The following FAT3 variants were observed in gnomAD, a reference collection of about 807,000 sequenced individuals.
FAT3 encodes the protein protocadherin Fat 3.
In FAT3, 95 loss-of-function variants were observed where a neutral mutation model predicts 310.2. The observed-to-expected ratio is 0.31, with a 90% CI of 0.26 to 0.36. The LOEUF is 0.36. FAT3 is among the 10% of genes least tolerant of loss of function. The pLI, the probability that FAT3 is intolerant of heterozygous loss-of-function variation, is 1.00. For synonymous variants in FAT3, 2,314 were observed against 2,192.9 expected, an observed-to-expected ratio of 1.06 and a Z score of -1.54; for missense variants, 5,408 against 5,715.6, an observed-to-expected ratio of 0.95 and a Z score of 1.74.
Position 92,887,030 on chromosome 11 carries a change from C to A in FAT3, c.12968C>A (p.Thr4323Asn). 6.2e-7 allele frequency: 1 copy of A among 1,609,704 alleles called. No homozygotes were observed. The highest frequency in any genetic ancestry group is 2.2e-5 in the East Asian group (1 of 44,846). ...NKGVDDPGEV[T>N]CFAGSNKGSN... ...GGGGTTGATGACCCGGGAGAAGTGA[C>A]CTGCTTTGCAGGTAGTAATAAAGGC... Residue 4323 changes from threonine to asparagine, a missense_variant, in exon 25 of 28, where the codon ACC becomes AAC. This residue lies in a region of FAT3 where 649 missense variants were observed against 666.2 expected (regional missense o/e 0.97). Transcript: ENST00000525166.
intron 7 of FAT3, 145 bp downstream of exon 7, chr11:92,774,325 T>C: frequency 1.1e-6 from 1 of 916,848 alleles, no homozygotes; most frequent in South Asian, 2.0e-5. Flanking sequence ...CAAGAACAAG[T>C]GAGAAAAGGG....
At chr11:92,729,259 C>T (rs143597172) in intron 4 of FAT3, among the ~76,000 whole-genome samples, 18 of 152,116 alleles carry the variant, frequency 1.2e-4, no homozygotes, top group African/African-American at 3.4e-4. Context: ...GCAGAGCACT[C>T]GATAAATGTC....
chr11:92,501,094 A>G (rs990816048), intron 2 of FAT3, among the ~76,000 whole-genome samples: 5 of 152,048 alleles, frequency 3.3e-5, no homozygotes, highest in African/African-American at 1.2e-4. Flanking sequence ...CTCCAAAATT[A>G]AGGGAAGTCA....
Position 92,228,436 on chromosome 11 carries a change from T to C in FAT3, c.-18+3262T>C, listed in dbSNP as rs527628816. Among the ~76,000 whole-genome samples the C allele has an allele frequency of 5.3e-5, 8 of 152,316 alleles. No individual in the cohort carries two copies. In the East Asian group the frequency reaches 1.5e-3, roughly 29 times the overall value. On this transcript the variant is annotated intron_variant, in intron 1 of 27. Coordinates refer to ENST00000525166, the MANE Select transcript of FAT3 (RefSeq NM_001367949.2). Reference sequence around the variant, plus strand: ...CCCACTGACCTGTATGCTATACGGTTATTTTGCTAGCCCACAGCCTTTGTA... The same window carrying C: ...CCCACTGACCTGTATGCTATACGGTCATTTTGCTAGCCCACAGCCTTTGTA...
intron 19 of FAT3, among the ~76,000 whole-genome samples, chr11:92,851,895 T>C (rs950945062): frequency 2.0e-5 from 3 of 152,208 alleles, no homozygotes; most frequent in African/African-American, 7.2e-5. Flanking sequence ...AATGGAGCAG[T>C]GTTTGCCACC....
At chr11:92,866,632 C>A in intron 21 of FAT3, 109 bp from the exon 22 acceptor site, 1 of 953,356 alleles carries the variant, frequency 1.0e-6, no homozygotes, top group Non-Finnish European at 1.5e-6. Flanking sequence ...AAAGTCATGT[C>A]CACATTCCAG....
intron 14 of FAT3, 113 bp from the exon 15 acceptor site, chr11:92,834,757 T>A: frequency 3.1e-6 from 3 of 968,694 alleles, no homozygotes; most frequent in Non-Finnish European, 4.5e-6. Flanking sequence ...AACAAATTCC[T>A]GAATGTTTAA....
At position 92,727,385 on chromosome 11, in the gene FAT3, A is replaced by G. The variant is rs150914394; in HGVS notation, c.3669+29940A>G. Among the ~76,000 whole-genome samples, 640 of 152,282 alleles carry G rather than the reference A, an allele frequency of 4.2e-3. 3 individuals are homozygous for G. The highest frequency in any genetic ancestry group is 9.7e-3 in the Admixed American group (148 of 15,286). ...TCATGGGAGATACAGCCTGTCAGGG[A>G]AGACAGACATTAAGTAAAAGTGACA... On this transcript the variant is annotated intron_variant, in intron 4 of 27. Transcript: ENST00000525166.
At chr11:92,356,249 T>G (rs1033700238) in intron 2 of FAT3, among the ~76,000 whole-genome samples, 1 of 152,198 alleles carries the variant, frequency 6.6e-6, no homozygotes, top group African/African-American at 2.4e-5. Flanking sequence ...GTTAGCACTG[T>G]GCATTTTTCT....
At chr11:92,304,608 T>C (rs1387723902) in intron 1 of FAT3, among the ~76,000 whole-genome samples, 1 of 152,124 alleles carries the variant, frequency 6.6e-6, no homozygotes, top group Non-Finnish European at 1.5e-5. Flanking sequence ...TGTTTGTAGA[T>C]GTGAAGAGGC....
At chr11:92,773,487 T>C (rs187601585) in intron 6 of FAT3, among the ~76,000 whole-genome samples, 29 of 152,264 alleles carry the variant, frequency 1.9e-4, no homozygotes, top group African/African-American at 9.6e-5. Context: ...CTTGCAGATA[T>C]AGAATTTTTA....
intron 12 of FAT3, among the ~76,000 whole-genome samples, chr11:92,809,086 A>T (rs145537064): frequency 3.3e-5 from 5 of 152,302 alleles, no homozygotes; most frequent in Non-Finnish European, 5.9e-5. Context: ...TCATTATCTT[A>T]TGAAACTTAA....
intron 3 of FAT3, among the ~76,000 whole-genome samples, chr11:92,561,850 A>G (rs868266300): frequency 3.4e-4 from 52 of 151,834 alleles, no homozygotes; most frequent in Admixed American, 4.6e-4. Context: ...GATCTCGAAC[A>G]CCTGGCCTCA....
chr11:92,448,361 A>AGT (rs754170352), intron 2 of FAT3, among the ~76,000 whole-genome samples: 18 of 152,094 alleles, frequency 1.2e-4, no homozygotes, highest in Admixed American at 2.6e-4. Flanking sequence ...GACACTTGCC[A>AGT]GTGTGTGGTT....
At chr11:92,702,439 G>A (rs1465032201) in intron 4 of FAT3, among the ~76,000 whole-genome samples, 3 of 152,176 alleles carry the variant, frequency 2.0e-5, no homozygotes, top group African/African-American at 4.8e-5. Flanking sequence ...GCGTTGCCAC[G>A]TTAAATTAAC....
intron 1 of FAT3, among the ~76,000 whole-genome samples, chr11:92,283,597 T>C (rs1946484678): frequency 6.6e-6 from 1 of 152,184 alleles, no homozygotes; most frequent in Non-Finnish European, 1.5e-5. Context: ...TTCACTTGAA[T>C]GGCTTCTAGT....
intron 3 of FAT3, among the ~76,000 whole-genome samples, chr11:92,625,556 A>G (rs1941291375): frequency 6.6e-6 from 1 of 152,178 alleles, no homozygotes. Context: ...GCTCACACCG[A>G]TGGCCCAGAG....
At position 92,604,675 on chromosome 11, in the gene FAT3, T is replaced by G. The variant is rs1940190807; in HGVS notation, c.3607+79727T>G. On this transcript the variant is annotated intron_variant, in intron 3 of 27. Transcript: ENST00000525166. Reference sequence around the variant, plus strand: ...ATCCTGTATCACTTTGCCCTGTATATACCCATCCTGTATCACTTTGCCCTG... The same window carrying G: ...ATCCTGTATCACTTTGCCCTGTATAGACCCATCCTGTATCACTTTGCCCTG... Among the ~76,000 whole-genome samples, 3 of 152,212 alleles carry G rather than the reference T, an allele frequency of 2.0e-5. No homozygotes were observed. The South Asian group carries it at 6.2e-4, about 32-fold the overall frequency.
At chr11:92,616,784 A>G (rs1940832406) in intron 3 of FAT3, among the ~76,000 whole-genome samples, 1 of 152,136 alleles carries the variant, frequency 6.6e-6, no homozygotes, top group Admixed American at 6.5e-5. Flanking sequence ...TCTTTTCTTT[A>G]AGAATGTTGA....
Sources: allele counts gnomAD v4.1 joint callset (sites outside exome capture counted in the v4.1 genomes callset), GRCh38; gene constraint gnomAD v4.1.1; regional missense constraint gnomAD v4.1.1; transcripts MANE v1.5; gene names NCBI Gene and HGNC (gene_info 2026-07-23, HGNC 2026-07-21).